Variants in LUZP2 observed in about 807,000 individuals in gnomAD.
The protein encoded by LUZP2 is leucine zipper protein 2.
A neutral mutation model predicts 51.6 loss-of-function variants in LUZP2; 52 were observed. The ratio of observed to expected loss-of-function variants is 1.01; its 90% CI spans 0.81 to 1.27. The LOEUF is 1.27. Ranked by LOEUF, LUZP2 falls within the 50% of genes most tolerant of loss-of-function variation. LUZP2 has a pLI of 0.00. For missense variants in LUZP2, 436 were observed against 395.4 expected, an observed-to-expected ratio of 1.10 and a Z score of -0.87; for synonymous variants, 154 against 137.3, an observed-to-expected ratio of 1.12 and a Z score of -0.85.
intron 1 of LUZP2, among the ~76,000 whole-genome samples, chr11:24,617,299 A>T (rs12804285): frequency 0.22 from 33,748 of 151,722 alleles, 4,641 homozygotes; most frequent in African/African-American, 0.38. Flanking sequence ...TTTTTAGTTA[A>T]AAAAATCCAA....
intron 1 of LUZP2, among the ~76,000 whole-genome samples, chr11:24,670,862 T>C (rs1232841200): frequency 1.3e-5 from 2 of 151,962 alleles, no homozygotes; most frequent in East Asian, 3.8e-4. Flanking sequence ...AATCCAAATT[T>C]CTCCTACTGA....
At chr11:24,997,570 G>A (rs1417924751) in intron 9 of LUZP2, among the ~76,000 whole-genome samples, 2 of 152,074 alleles carry the variant, frequency 1.3e-5, no homozygotes, top group Non-Finnish European at 2.9e-5. Context: ...TTTGTAGGTT[G>A]CCTGTTCACT....
At chr11:24,629,173 A>G (rs1258887537) in intron 1 of LUZP2, among the ~76,000 whole-genome samples, 2 of 152,078 alleles carry the variant, frequency 1.3e-5, no homozygotes, top group Admixed American at 6.6e-5. Flanking sequence ...CTTTAAGGGT[A>G]TCCATCATCC....
intron 5 of LUZP2, among the ~76,000 whole-genome samples, chr11:24,841,377 A>C (rs894530129): frequency 6.6e-6 from 1 of 152,096 alleles, no homozygotes; most frequent in Admixed American, 6.6e-5. Flanking sequence ...ATTGAGAAAT[A>C]AATGTTTGTT....
In LUZP2 at chr11:25,082,287, T is replaced by G. The variant is rs1859476445; in HGVS notation, c.*3629T>G. 6.6e-6 allele frequency: 1 copy of G among 152,648 alleles called. No individual in the cohort carries two copies. Among genetic ancestry groups the G allele is most frequent in the African/African-American group, 2.4e-5 (1 of 41,468 alleles). The allele number at this position is 152,648 out of a possible 1,614,324, so 9.5% of individuals were successfully genotyped here. ...GTTATATGTAAAGAAAATGTATTAT[T>G]TTAGATGAACAATGTGGATAACTGA... On this transcript the variant is annotated 3_prime_UTR_variant, in exon 12 of 12. Transcript: ENST00000336930.
chr11:24,816,027 T>A (rs1366840804), intron 5 of LUZP2, among the ~76,000 whole-genome samples: 1 of 151,792 alleles, frequency 6.6e-6, no homozygotes, highest in East Asian at 1.9e-4. Context: ...AAAAAAGACT[T>A]TTATCACCCG....
intron 5 of LUZP2, chr11:24,786,267 A>C: frequency 1.0e-6 from 1 of 972,950 alleles, no homozygotes; most frequent in Non-Finnish European, 1.2e-6. Context: ...TTGATATAAA[A>C]ATTATAAAAT....
chr11:24,855,381 A>T (rs1851528082), intron 5 of LUZP2, among the ~76,000 whole-genome samples: 2 of 152,174 alleles, frequency 1.3e-5, no homozygotes, highest in African/African-American at 4.8e-5. Flanking sequence ...TATAATACCT[A>T]CAAAAAATAT....
intron 7 of LUZP2, among the ~76,000 whole-genome samples, chr11:24,973,644 T>C (rs1855810341): frequency 6.6e-6 from 1 of 152,038 alleles, no homozygotes; most frequent in Non-Finnish European, 1.5e-5. Flanking sequence ...CATTGTCTCA[T>C]TAGTTTTAAA....
At chr11:24,723,050 C>A (rs138344842) in intron 1 of LUZP2, among the ~76,000 whole-genome samples, 21 of 152,000 alleles carry the variant, frequency 1.4e-4, no homozygotes, top group African/African-American at 4.8e-4. Context: ...AAGCAATGGG[C>A]AAACTAATGG....
chr11:25,011,797 G>A (rs558865372), intron 9 of LUZP2, among the ~76,000 whole-genome samples: 3 of 151,876 alleles, frequency 2.0e-5, no homozygotes, highest in East Asian at 1.9e-4. Flanking sequence ...GGTATTCGGG[G>A]CATCTATCAC....
chr11:24,824,094 TG>T (rs1422112639), intron 5 of LUZP2, among the ~76,000 whole-genome samples: 1 of 150,950 alleles, frequency 6.6e-6, no homozygotes. Context: ...GTGGGTGTGG[TG>T]GCTTATGCCT....
intron 1 of LUZP2, among the ~76,000 whole-genome samples, chr11:24,574,336 TG>T (rs1565000807): frequency 2.2e-4 from 27 of 123,612 alleles, no homozygotes; most frequent in East Asian, 7.6e-4. Flanking sequence ...CTCCCTCCCT[TG>T]CTTCCTTCCT....
intron 9 of LUZP2, among the ~76,000 whole-genome samples, chr11:25,006,158 C>T (rs996136394): frequency 6.6e-6 from 1 of 151,880 alleles, no homozygotes; most frequent in Non-Finnish European, 1.5e-5. Flanking sequence ...AGCCCGGGTG[C>T]CTAAAGAAGG....
At chr11:24,892,952 C>T (rs193104424) in intron 5 of LUZP2, 1 of 152,192 alleles carries the variant, frequency 6.6e-6, no homozygotes, top group Non-Finnish European at 1.5e-5. Context: ...TTTCAAGAGT[C>T]CCAAAACATT....
At chr11:24,763,493 A>G (rs1223647555) in intron 5 of LUZP2, among the ~76,000 whole-genome samples, 185 bp downstream of exon 5, 1 of 152,118 alleles carries the variant, frequency 6.6e-6, no homozygotes, top group Non-Finnish European at 1.5e-5. Flanking sequence ...GTTTATATAT[A>G]TTTGATCATT....
chr11:24,676,411 C>T (rs1856553160), intron 1 of LUZP2, among the ~76,000 whole-genome samples: 1 of 152,068 alleles, frequency 6.6e-6, no homozygotes, highest in South Asian at 2.1e-4. Flanking sequence ...AATCTCAAAG[C>T]ATTAGTTAGA....
At chr11:24,871,848 C>T (rs549484151) in intron 5 of LUZP2, among the ~76,000 whole-genome samples, 12 of 152,204 alleles carry the variant, frequency 7.9e-5, no homozygotes, top group African/African-American at 2.6e-4. Context: ...GCTATATGTA[C>T]AACATGCTAT....
chr11:24,808,931 G>T (rs1309557055), intron 5 of LUZP2, among the ~76,000 whole-genome samples: 1 of 152,020 alleles, frequency 6.6e-6, no homozygotes, highest in Non-Finnish European at 1.5e-5. Context: ...TATCAATTTA[G>T]AATTACTCTG....
Sources: allele counts gnomAD v4.1 joint callset (sites outside exome capture counted in the v4.1 genomes callset), GRCh38; gene constraint gnomAD v4.1.1; transcripts MANE v1.5; gene names NCBI Gene and HGNC (gene_info 2026-07-23, HGNC 2026-07-21).